The following INPP4B variants were observed in gnomAD, a reference collection of about 807,000 sequenced individuals.
The protein encoded by INPP4B is inositol polyphosphate 4-phosphatase type II.
In INPP4B, 55 loss-of-function variants were observed where a neutral mutation model predicts 122.5. The ratio of observed to expected loss-of-function variants is 0.45; its 90% CI spans 0.36 to 0.56. The LOEUF (loss-of-function observed/expected upper bound fraction) is 0.56. INPP4B is among the 20% of genes least tolerant of loss of function. The pLI, the probability that INPP4B is intolerant of heterozygous loss-of-function variation, is 0.00. For synonymous variants in INPP4B, 403 were observed against 388.7 expected, an observed-to-expected ratio of 1.04 and a Z score of -0.43; for missense variants, 1,000 against 1,097.7, an observed-to-expected ratio of 0.91 and a Z score of 1.26.
chr4:142,122,263 C>T lies in INPP4B; in HGVS notation c.2018-18G>A, dbSNP rs754077639. On this transcript the variant is annotated intron_variant, in intron 20 of 25. Transcript: ENST00000262992. Reference sequence around the variant, plus strand: ...TTCATCGCCTAAACAATAGAAAAGGCACTTAGCTACAAACAAACATTTGAG... The same window carrying T: ...TTCATCGCCTAAACAATAGAAAAGGTACTTAGCTACAAACAAACATTTGAG... 5 of 1,537,424 alleles carry T rather than the reference C, an allele frequency of 3.3e-6. No individual in the cohort carries two copies. The highest frequency in any genetic ancestry group is 2.3e-5 in the East Asian group (1 of 43,966).
At chr4:142,055,445 C>A (rs1263820044) in intron 25 of INPP4B, among the ~76,000 whole-genome samples, 4 of 151,964 alleles carry the variant, frequency 2.6e-5, no homozygotes, top group Non-Finnish European at 4.4e-5. Flanking sequence ...AGGTCATTGT[C>A]AAATAGGGAA....
chr4:142,423,727 A>G (rs1484491589), intron 5 of INPP4B: 3 of 421,366 alleles, frequency 7.1e-6, no homozygotes, highest in Admixed American at 3.0e-5. Flanking sequence ...TTGCATATCC[A>G]CATGACACTT....
At chr4:142,453,347 C>T (rs573213197) in intron 3 of INPP4B, among the ~76,000 whole-genome samples, 56 of 152,242 alleles carry the variant, frequency 3.7e-4, no homozygotes, top group African/African-American at 1.3e-3. Flanking sequence ...GACATCATCA[C>T]AAATTATTAA....
intron 2 of INPP4B, among the ~76,000 whole-genome samples, chr4:142,648,347 A>T (rs1210542248): frequency 6.6e-6 from 1 of 152,160 alleles, no homozygotes; most frequent in African/African-American, 2.4e-5. Flanking sequence ...ATGGAGGGTG[A>T]GCCAAAGCAG....
chr4:142,782,089 A>G (rs1160752273), intron 1 of INPP4B, among the ~76,000 whole-genome samples: 12 of 149,228 alleles, frequency 8.0e-5, no homozygotes, highest in South Asian at 2.1e-4. Flanking sequence ...CCATTAACTC[A>G]TCATTTAGCA....
At chr4:142,586,421 C>A (rs1560832240) in intron 2 of INPP4B, among the ~76,000 whole-genome samples, 1 of 152,188 alleles carries the variant, frequency 6.6e-6, no homozygotes, top group African/African-American at 2.4e-5. Context: ...CAAAGGGTCT[C>A]AGAACCTATT....
intron 2 of INPP4B, among the ~76,000 whole-genome samples, chr4:142,704,603 C>A (rs1044385900): frequency 1.3e-5 from 2 of 152,156 alleles, no homozygotes; most frequent in Admixed American, 6.5e-5. Context: ...TAAAATTAAT[C>A]TCCCTCCAAT....
At chr4:142,406,406 T>TA (rs1651040115) in intron 5 of INPP4B, among the ~76,000 whole-genome samples, 1 of 152,168 alleles carries the variant, frequency 6.6e-6, no homozygotes, top group Admixed American at 6.5e-5. Flanking sequence ...GCAAGGTCCT[T>TA]ACCATTGGTA....
chr4:142,579,879 GTAGATAGATAGATAGATAGATAGA>G (rs34007661), intron 2 of INPP4B, among the ~76,000 whole-genome samples: 3 of 142,594 alleles, frequency 2.1e-5, no homozygotes, highest in Admixed American at 7.3e-5. Flanking sequence ...AGATAGGTAG[GTAGATAGATAGATAGATAGATAGA>G]TAGATAGATA....
At chr4:142,056,563 T>C (rs972844784) in intron 25 of INPP4B, among the ~76,000 whole-genome samples, 1 of 152,016 alleles carries the variant, frequency 6.6e-6, no homozygotes, top group Non-Finnish European at 1.5e-5. Context: ...GATAGGAACA[T>C]GAAAAAAGTC....
In INPP4B at chr4:142,432,734, T is replaced by C. The variant is rs189974105; in HGVS notation, c.-126-1349A>G. ...CTGCAAGGCATGTGTGACTTGGACA[T>C]GAGGACTATATAATTTGTTAATTTC... On this transcript the variant is annotated intron_variant, in intron 3 of 25. Transcript: ENST00000262992. 1.2e-4 allele frequency among the ~76,000 whole-genome samples: 19 copies of C among 152,242 alleles called. 1 individual carries two copies. The South Asian group carries it at 3.5e-3, about 28-fold the overall frequency.
chr4:142,255,725 A>G (rs1268724563), intron 11 of INPP4B, among the ~76,000 whole-genome samples: 2 of 152,216 alleles, frequency 1.3e-5, no homozygotes, highest in African/African-American at 4.8e-5. Flanking sequence ...TGACCTACAA[A>G]GAGACTTCGA....
intron 7 of INPP4B, among the ~76,000 whole-genome samples, chr4:142,398,333 G>A (rs1245959753): frequency 1.5e-5 from 2 of 133,968 alleles, no homozygotes; most frequent in East Asian, 2.4e-4. Context: ...AGCCGAGATC[G>A]TGGCACTGCA....
chr4:142,255,729 A>C (rs1735542076), intron 11 of INPP4B, among the ~76,000 whole-genome samples: 1 of 152,142 alleles, frequency 6.6e-6, no homozygotes, highest in African/African-American at 2.4e-5. Context: ...CTACAAAGAG[A>C]CTTCGACTCC....
chr4:142,527,577 T>A (rs1044001712), intron 2 of INPP4B, among the ~76,000 whole-genome samples: 1 of 152,038 alleles, frequency 6.6e-6, no homozygotes, highest in South Asian at 2.1e-4. Context: ...CAAAACATTA[T>A]AAAATCCAGT....
At chr4:142,726,557 T>C (rs1765373296) in intron 1 of INPP4B, among the ~76,000 whole-genome samples, 1 of 152,238 alleles carries the variant, frequency 6.6e-6, no homozygotes, top group Non-Finnish European at 1.5e-5. Context: ...TATCCCATAA[T>C]AGATTTTATT....
chr4:142,119,836 T>C (rs1334140775), intron 21 of INPP4B, among the ~76,000 whole-genome samples: 1 of 150,104 alleles, frequency 6.7e-6, no homozygotes, highest in Non-Finnish European at 1.5e-5. Context: ...TACACATATA[T>C]ATACATATAT....
At chr4:142,382,592 A>G (rs1238891791) in intron 7 of INPP4B, among the ~76,000 whole-genome samples, 1 of 140,428 alleles carries the variant, frequency 7.1e-6, no homozygotes, top group Non-Finnish European at 1.5e-5. Flanking sequence ...TATATATACT[A>G]TAAATATATA....
intron 14 of INPP4B, among the ~76,000 whole-genome samples, chr4:142,200,852 T>C (rs1311176405): frequency 2.0e-5 from 3 of 152,072 alleles, no homozygotes; most frequent in African/African-American, 7.2e-5. Context: ...AGCAGAAGTG[T>C]AGCATCTTAT....
Sources: gnomAD v4.1 joint callset for allele counts (sites outside exome capture counted in the v4.1 genomes callset) on GRCh38, gnomAD v4.1.1 for gene constraint, MANE v1.5 for transcripts, NCBI Gene and HGNC (gene_info 2026-07-23, HGNC 2026-07-21) for gene names.